The following SLC29A4 variants were observed in gnomAD, a reference collection of about 807,000 sequenced individuals.
SLC29A4 encodes the protein equilibrative nucleoside transporter 4.
SLC29A4 carries 36 observed loss-of-function variants against 43.9 expected under a neutral mutation model. That is an observed-to-expected ratio of 0.82 (90% CI 0.63 to 1.08). The LOEUF (loss-of-function observed/expected upper bound fraction) is 1.08. SLC29A4 is among the 50% of genes least tolerant of loss of function. The probability of loss-of-function intolerance (pLI) is 0.00; values close to 1 mark genes in which losing one functional copy is unlikely to be tolerated. For synonymous variants in SLC29A4, 491 were observed against 338.0 expected (o/e 1.45, Z -4.97); for missense variants, 869 against 755.3 (o/e 1.15, Z -1.77).
At chr7:5,291,619 C>T in intron 4 of SLC29A4, 74 bp from the exon 5 acceptor site, 12 of 1,508,084 alleles carry the variant, frequency 8.0e-6, no homozygotes, top group Non-Finnish European at 1.1e-5. Context: ...AGCGACTCTG[C>T]AGGAGGGGCG....
In SLC29A4 at chr7:5,294,771, C is replaced by T. The variant is rs114512331; in HGVS notation, c.545-89C>T. Reference sequence around the variant, plus strand: ...GTGTTAACGGCTGTTTACGCACCCTCGTCCACCAACACAGTTCTCTAGTGC... The same window carrying T: ...GTGTTAACGGCTGTTTACGCACCCTTGTCCACCAACACAGTTCTCTAGTGC... On this transcript the variant is annotated intron_variant, in intron 5 of 10. Coordinates refer to ENST00000396872, the MANE Select transcript of SLC29A4 (RefSeq NM_153247.4). 3.0e-4 allele frequency: 404 copies of T among 1,358,458 alleles called. No individual in the cohort carries two copies. The African/African-American group carries it at 4.5e-3, about 15-fold the overall frequency. The allele number at this position is 1,358,458 out of a possible 1,614,324, so 84.2% of individuals were successfully genotyped here.
intron 5 of SLC29A4, 44 bp downstream of exon 5, chr7:5,291,865 C>T (rs201525099): frequency 1.4e-4 from 226 of 1,585,278 alleles, no homozygotes; most frequent in Admixed American, 1.2e-3. Context: ...TGCCCACTTC[C>T]GACCCCATCC....
chr7:5,287,839 G>T lies in SLC29A4; in HGVS notation c.23G>T (p.Arg8Leu). Residue 8 changes from arginine to leucine, a missense_variant, in exon 2 of 11, where the codon CGC (arginine) becomes CTC (leucine). Transcript: ENST00000396872. Reference protein sequence around the residue: MGSVGSQRLEEPSVAGTP... With the variant: MGSVGSQLLEEPSVAGTP... Reference sequence around the variant, plus strand: ...GCCATGGGCTCCGTGGGGAGCCAGCGCCTTGAGGAGCCCAGCGTGGCAGGC... The same window carrying T: ...GCCATGGGCTCCGTGGGGAGCCAGCTCCTTGAGGAGCCCAGCGTGGCAGGC... 2 of 1,611,686 alleles carry T rather than the reference G, an allele frequency of 1.2e-6. No homozygotes were observed. Among genetic ancestry groups the T allele is most frequent in the Non-Finnish European group, 1.7e-6 (2 of 1,179,796 alleles).
In SLC29A4 at chr7:5,287,921, G is replaced by T; in HGVS notation, c.105G>T (p.Glu35Asp). Residue 35 changes from glutamate to aspartate, a missense_variant, in exon 2 of 11, where the codon GAG becomes GAT. Transcript: ENST00000396872. ...SFTFDSHQLE[E>D]AAEAAQGQGL... ...CCTTCGACAGTCACCAGCTGGAGGAGGCGGCGGAGGCGGCTCAGGGCCAGG... is the reference window on the plus strand; with the variant it reads ...CCTTCGACAGTCACCAGCTGGAGGATGCGGCGGAGGCGGCTCAGGGCCAGG... 1 of 1,611,852 alleles carries T rather than the reference G, an allele frequency of 6.2e-7. No homozygotes were observed. Among genetic ancestry groups the T allele is most frequent in the Non-Finnish European group, 8.5e-7 (1 of 1,179,778 alleles).
intron 5 of SLC29A4, among the ~76,000 whole-genome samples, chr7:5,292,760 A>C (rs1289852491): frequency 8.3e-6 from 1 of 120,378 alleles, no homozygotes. Context: ...GTGCAGTGGC[A>C]CCATCTCAAC....
intron 9 of SLC29A4, among the ~76,000 whole-genome samples, 171 bp downstream of exon 9, chr7:5,299,598 C>T (rs1785988370): frequency 6.6e-6 from 1 of 152,220 alleles, no homozygotes; most frequent in Non-Finnish European, 1.5e-5. Context: ...TGGAGGGCGG[C>T]CCTGGCCTGA....
intron 2 of SLC29A4, among the ~76,000 whole-genome samples, chr7:5,289,767 G>T (rs1785186541): frequency 6.6e-6 from 1 of 152,000 alleles, no homozygotes; most frequent in African/African-American, 2.4e-5. Flanking sequence ...TAAAGGCAGT[G>T]ACAAGGTCAT....
Position 5,298,993 on chromosome 7 carries a change from C to G in SLC29A4, c.888C>G (p.His296Gln), listed in dbSNP as rs1235360245. Reference protein sequence around the residue: ...DVVAGDVHFEHPAPALAPNES... With the variant: ...DVVAGDVHFEQPAPALAPNES... Reference sequence around the variant, plus strand: ...CCACTCCATCCTCCCTCCAGGAGCACCCAGCCCCGGCCCTGGCCCCCAACG... The same window carrying G: ...CCACTCCATCCTCCCTCCAGGAGCAGCCAGCCCCGGCCCTGGCCCCCAACG... Residue 296 changes from histidine to glutamine, a missense_variant, in exon 8 of 11, where the codon CAC becomes CAG. By Grantham distance (24) the His-to-Gln change is conservative. Transcript: ENST00000396872. 9 of 1,608,874 alleles carry G rather than the reference C, an allele frequency of 5.6e-6. No individual in the cohort carries two copies. The highest frequency in any genetic ancestry group is 2.0e-4 in the Middle Eastern group (1 of 5,070).
chr7:5,284,037 C>T (rs1032381126), intron 1 of SLC29A4, among the ~76,000 whole-genome samples: 6 of 101,162 alleles, frequency 5.9e-5, no homozygotes, highest in Admixed American at 4.5e-4. Flanking sequence ...GCACGACCCC[C>T]CCCCCCACCC....
Position 5,305,623 on chromosome 7 carries a change from T to C in SLC29A4, c.*2684T>C, listed in dbSNP as rs912422497. 1.3e-5 allele frequency: 2 copies of C among 148,786 alleles called. No individual in the cohort carries two copies. Among genetic ancestry groups the C allele is most frequent in the Non-Finnish European group, 1.5e-5 (1 of 67,670 alleles). The allele number at this position is 148,786 out of a possible 1,614,324, so 9.2% of individuals were successfully genotyped here. On this transcript the variant is annotated 3_prime_UTR_variant, in exon 11 of 11. Transcript: ENST00000396872. ...CCCAGGCTGGAGTGCAATGGCTCGA[T>C]TTCAGCTCACTGCAACCTCTGCCTG...
intron 6 of SLC29A4, among the ~76,000 whole-genome samples, chr7:5,295,577 G>T (rs546561842): frequency 6.6e-6 from 1 of 152,252 alleles, no homozygotes; most frequent in Non-Finnish European, 1.5e-5. Flanking sequence ...CACTGTGTGC[G>T]TGGAAGCCCC....
Position 5,296,933 on chromosome 7 carries a change from C to A in SLC29A4, c.620-3C>A. The A allele has an allele frequency of 6.5e-7, 1 of 1,527,848 alleles. No individual in the cohort carries two copies. 94.6% of individuals were successfully genotyped at this position (1,527,848 alleles called of 1,614,324 possible). A position where few individuals can be genotyped will look rare whatever the true frequency, so the allele number is the denominator to read the frequency against. Reference sequence around the variant, plus strand: ...GCCCCGGCCCACTGTGCACGCCCCCCAGGCACGGCGGGCGTGATGATCTCT... The same window carrying A: ...GCCCCGGCCCACTGTGCACGCCCCCAAGGCACGGCGGGCGTGATGATCTCT... On this transcript the variant is annotated splice_polypyrimidine_tract_variant and splice_region_variant and intron_variant, in intron 6 of 10. Transcript: ENST00000396872.
At chr7:5,287,436 A>G (rs1583648430) in intron 1 of SLC29A4, among the ~76,000 whole-genome samples, 1 of 152,018 alleles carries the variant, frequency 6.6e-6, no homozygotes, top group East Asian at 1.9e-4. Context: ...AAAAAAAGAA[A>G]AAAAAGACAT....
In SLC29A4 at chr7:5,297,185, G is replaced by A; in HGVS notation, c.869G>A (p.Gly290Glu). The A allele has an allele frequency of 1.3e-6, 2 of 1,589,982 alleles. No individual in the cohort carries two copies. Among genetic ancestry groups the A allele is most frequent in the Non-Finnish European group, 1.7e-6 (2 of 1,173,126 alleles). The part of the protein sequence containing the change: ...GYRVHHDVVA[G>E]DVHFEHPAPA... Reference sequence around the variant, plus strand: ...CGCGTGCACCACGACGTTGTCGCCGGGGACGTCCACTTCGTAAGTGCGCAC... The same window carrying A: ...CGCGTGCACCACGACGTTGTCGCCGAGGACGTCCACTTCGTAAGTGCGCAC... Residue 290 changes from glycine (G) to glutamate (E), a missense_variant, in exon 7 of 11, where the codon GGG (glycine) becomes GAG (glutamate). Physicochemically the swap from Gly to Glu is moderately conservative, Grantham distance 98. Coordinates refer to ENST00000396872, the MANE Select transcript of SLC29A4 (RefSeq NM_153247.4).
At chr7:5,295,746 C>T (rs1562449291) in intron 6 of SLC29A4, among the ~76,000 whole-genome samples, 2 of 91,618 alleles carry the variant, frequency 2.2e-5, no homozygotes, top group South Asian at 5.3e-4. Context: ...CTGAGGTCCA[C>T]CAGATGCCCC....
At chr7:5,299,823 G>T (rs1437180815) in intron 9 of SLC29A4, among the ~76,000 whole-genome samples, 1 of 152,218 alleles carries the variant, frequency 6.6e-6, no homozygotes, top group Non-Finnish European at 1.5e-5. Context: ...GGCCAGAGAT[G>T]GGTAGATCAC....
chr7:5,283,658 A>G (rs188350774), intron 1 of SLC29A4, among the ~76,000 whole-genome samples: 1,771 of 152,272 alleles, frequency 0.012, 34 homozygotes, highest in African/African-American at 0.04. Context: ...GGCTGCAGAA[A>G]GGGGGTGGCC....
At chr7:5,301,918 C>G (rs1038904875) in intron 10 of SLC29A4, among the ~76,000 whole-genome samples, 1 of 152,058 alleles carries the variant, frequency 6.6e-6, no homozygotes, top group African/African-American at 2.4e-5. Context: ...CCAAATTGTT[C>G]CTGATAGGGA....
chr7:5,302,605 C>T lies in SLC29A4; in HGVS notation c.1451-192C>T, dbSNP rs1172227749. ...GGCAGGCAAGGCCTGGAGTGCATAG[C>T]AGATGGCCTCGGGAAGAAGGAATGA... is the stretch of plus-strand genomic sequence containing the variant. On this transcript the variant is annotated intron_variant, in intron 10 of 10. Transcript: ENST00000396872. 5.3e-5 allele frequency among the ~76,000 whole-genome samples: 8 copies of T among 152,316 alleles called. No individual in the cohort carries two copies. The East Asian group carries it at 9.6e-4, about 18-fold the overall frequency.
Sources: allele counts gnomAD v4.1 joint callset (sites outside exome capture counted in the v4.1 genomes callset), GRCh38; gene constraint gnomAD v4.1.1; transcripts MANE v1.5; gene names NCBI Gene and HGNC (gene_info 2026-07-23, HGNC 2026-07-21).